USP33: variants seen among roughly 807,000 people sequenced by gnomAD.
USP33 encodes ubiquitin carboxyl-terminal hydrolase 33.
Under a neutral mutation model 124.2 loss-of-function variants are expected in USP33, and 46 were observed. That is an observed-to-expected ratio of 0.37 (90% CI 0.29 to 0.47). The LOEUF is 0.47. Among genes scored for constraint, USP33 ranks in the 20% least tolerant of loss-of-function variants. The probability of loss-of-function intolerance (pLI) is 0.99; values close to 1 mark genes in which losing one functional copy is unlikely to be tolerated. For missense variants in USP33, 851 were observed against 1,070.6 expected (o/e 0.79, Z 2.86); for synonymous variants, 350 against 352.3 (o/e 0.99, Z 0.07).
intron 10 of USP33, among the ~76,000 whole-genome samples, chr1:77,728,071 C>T (rs1557843804): frequency 6.6e-6 from 1 of 152,134 alleles, no homozygotes; most frequent in Non-Finnish European, 1.5e-5. Flanking sequence ...CAAAAGACAT[C>T]TGATGAAATG....
intron 11 of USP33, 96 bp downstream of exon 11, chr1:77,725,525 AT>A: frequency 6.9e-7 from 1 of 1,445,842 alleles, no homozygotes; most frequent in Admixed American, 2.3e-5. Context: ...AGATCAAATC[AT>A]ATTTCATAAT....
At chr1:77,713,168 C>T (rs770356721) in intron 20 of USP33, 32 bp downstream of exon 20, 1 of 1,573,932 alleles carries the variant, frequency 6.4e-7, no homozygotes, top group South Asian at 1.2e-5. Flanking sequence ...CCGACTTTCA[C>T]AACACTGTAT....
chr1:77,722,256 G>A, intron 12 of USP33, 60 bp from the exon 13 acceptor site: 1 of 1,381,674 alleles, frequency 7.2e-7, no homozygotes. Context: ...CATTTCCAAG[G>A]TTAGATTTTA....
intron 21 of USP33, among the ~76,000 whole-genome samples, chr1:77,710,483 A>C (rs1675125049): frequency 6.6e-6 from 1 of 152,250 alleles, no homozygotes; most frequent in Non-Finnish European, 1.5e-5. Context: ...TTGATGGAAA[A>C]AACTATTTTT....
intron 12 of USP33, among the ~76,000 whole-genome samples, chr1:77,722,735 TTC>T (rs1676711259): frequency 6.6e-6 from 1 of 152,210 alleles, no homozygotes; most frequent in African/African-American, 2.4e-5. Flanking sequence ...AATTGAAATC[TTC>T]TTTTTGTTTT....
At chr1:77,741,585 G>A in intron 2 of USP33, 32 bp downstream of exon 2, 2 of 1,566,396 alleles carry the variant, frequency 1.3e-6, no homozygotes, top group Non-Finnish European at 1.7e-6. Flanking sequence ...AAAGTGAATA[G>A]TTTTTCAAGG....
At chr1:77,712,497 T>C (rs1675372205) in intron 20 of USP33, among the ~76,000 whole-genome samples, 1 of 152,202 alleles carries the variant, frequency 6.6e-6, no homozygotes, top group South Asian at 2.1e-4. Context: ...CACTCCCGAC[T>C]GGGCGACAGA....
At chr1:77,732,751 C>T (rs374646209) in intron 7 of USP33, among the ~76,000 whole-genome samples, 1 of 151,392 alleles carries the variant, frequency 6.6e-6, no homozygotes. Context: ...AACAACCAAC[C>T]GATACTCATT....
At chr1:77,759,422 G>A in intron 1 of USP33, 1 of 394,710 alleles carries the variant, frequency 2.5e-6, no homozygotes, top group East Asian at 3.6e-5. Flanking sequence ...ATCCTCCACC[G>A]ACCGTTGACA....
chr1:77,747,906 T>C (rs1047791222), intron 1 of USP33, among the ~76,000 whole-genome samples: 5 of 152,234 alleles, frequency 3.3e-5, no homozygotes, highest in East Asian at 3.8e-4. Context: ...CTTTATCTTT[T>C]ATTAAATCTG....
intron 9 of USP33, 70 bp from the exon 10 acceptor site, chr1:77,728,782 C>A: frequency 6.7e-7 from 1 of 1,491,278 alleles, no homozygotes; most frequent in Admixed American, 2.1e-5. Flanking sequence ...GGAAAATATA[C>A]AAAATGTCAT....
At chr1:77,737,549 A>G (rs1346410415) in intron 5 of USP33, among the ~76,000 whole-genome samples, 3 of 152,230 alleles carry the variant, frequency 2.0e-5, no homozygotes, top group Non-Finnish European at 2.9e-5. Context: ...TCAACAGCAT[A>G]TAAGTTTTGG....
At chr1:77,741,561 A>C (rs1339675592) in intron 2 of USP33, 56 bp downstream of exon 2, 9 of 1,549,808 alleles carry the variant, frequency 5.8e-6, no homozygotes, top group Non-Finnish European at 7.8e-6. Context: ...TATGAAAATT[A>C]CACATTCAAG....
chr1:77,720,040 G>C (rs1159865312), intron 15 of USP33, among the ~76,000 whole-genome samples: 2 of 151,298 alleles, frequency 1.3e-5, no homozygotes, highest in Non-Finnish European at 2.9e-5. Flanking sequence ...TGCATCTGTA[G>C]TCCCAGCTAC....
chr1:77,733,465 T>A (rs190650181), intron 7 of USP33, among the ~76,000 whole-genome samples: 3 of 152,100 alleles, frequency 2.0e-5, no homozygotes, highest in Admixed American at 6.5e-5. Flanking sequence ...AATTAGGTTA[T>A]CTTTATTTCA....
At chr1:77,718,757 C>T (rs753640657) in intron 15 of USP33, 116 bp from the exon 16 acceptor site, 13 of 756,598 alleles carry the variant, frequency 1.7e-5, no homozygotes, top group Admixed American at 2.6e-5. Context: ...TGGTGAAATC[C>T]CGTCTCTACT....
chr1:77,720,660 A>C lies in USP33; in HGVS notation c.1691+512T>G, dbSNP rs923018256. The C allele has an allele frequency of 3.1e-6, 3 of 973,566 alleles. No individual in the cohort carries two copies. In the African/African-American group the frequency reaches 5.3e-5, roughly 17 times the overall value. The allele number at this position is 973,566 out of a possible 1,614,324, so 60.3% of individuals were successfully genotyped here. A position where few individuals can be genotyped will look rare whatever the true frequency, so the allele number is the denominator to read the frequency against. The stretch of plus-strand genomic sequence containing the variant: ...TAGTTGCTTTTCACCAAGTCTTCCA[A>C]CACTTTTTTCTGACTTACCACTAAG... On this transcript the variant is annotated intron_variant, in intron 15 of 23. Coordinates refer to ENST00000370794, the MANE Select transcript of USP33 (RefSeq NM_201624.3).
intron 1 of USP33, among the ~76,000 whole-genome samples, chr1:77,755,665 G>A (rs1370778799): frequency 1.3e-5 from 2 of 152,192 alleles, no homozygotes; most frequent in Admixed American, 6.5e-5. Flanking sequence ...ACCACTGCAC[G>A]CCAGGCTGGG....
intron 21 of USP33, among the ~76,000 whole-genome samples, chr1:77,705,340 A>G (rs278841): frequency 0.42 from 63,016 of 151,262 alleles, 15,218 homozygotes; most frequent in African/African-American, 0.67. Flanking sequence ...GATTACAGGC[A>G]CCCGCCACCA....
Sources: gnomAD v4.1 joint callset for allele counts (sites outside exome capture counted in the v4.1 genomes callset) on GRCh38, gnomAD v4.1.1 for gene constraint, MANE v1.5 for transcripts, NCBI Gene and HGNC (gene_info 2026-07-23, HGNC 2026-07-21) for gene names.